CRYGB: variants seen among roughly 807,000 people sequenced by gnomAD.
CRYGB encodes the protein crystallin gamma B.
Under a neutral mutation model 21.3 loss-of-function variants are expected in CRYGB, and 19 were observed. The observed-to-expected ratio is 0.89, with a 90% CI of 0.62 to 1.31. The LOEUF (loss-of-function observed/expected upper bound fraction) is 1.31. Ranked by LOEUF, CRYGB falls within the 50% of genes most tolerant of loss-of-function variation. CRYGB has a pLI of 0.00. For missense variants in CRYGB, 254 were observed against 228.4 expected, an observed-to-expected ratio of 1.11 and a Z score of -0.72; for synonymous variants, 81 against 81.2, an observed-to-expected ratio of 1.00 and a Z score of 0.01.
chr2:208,146,065 G>C, intron 1 of CRYGB, 47 bp downstream of exon 1: 3 of 1,614,198 alleles, frequency 1.9e-6, no homozygotes, highest in Admixed American at 1.7e-5. Flanking sequence ...CCCCACTGAG[G>C]CCACTGCATT....
chr2:208,145,560 A>G (rs1048011744), intron 2 of CRYGB, among the ~76,000 whole-genome samples: 1 of 151,300 alleles, frequency 6.6e-6, no homozygotes, highest in Non-Finnish European at 1.5e-5. Flanking sequence ...ATGGTGGTGC[A>G]TGCCTGTAAT....
At chr2:208,144,022 G>GTTTTTTTT (rs4021949) in intron 2 of CRYGB, among the ~76,000 whole-genome samples, 1 of 134,056 alleles carries the variant, frequency 7.5e-6, no homozygotes, top group Non-Finnish European at 1.6e-5. Flanking sequence ...TTCTTTCTGG[G>GTTTTTTTT]TTTTTTTTTT....
Position 208,142,588 on chromosome 2 carries a change from C to A in CRYGB, c.*50G>T. ...GCTCTACTAGTGCCAGAAACACAAGCTAAATATTTTATTAGATTTTAAAGG... is the reference window on the plus strand; with the variant it reads ...GCTCTACTAGTGCCAGAAACACAAGATAAATATTTTATTAGATTTTAAAGG... On this transcript the variant is annotated 3_prime_UTR_variant, in exon 3 of 3. Coordinates refer to ENST00000260988, the MANE Select transcript of CRYGB (RefSeq NM_005210.4). The A allele has an allele frequency of 6.9e-7, 1 of 1,451,774 alleles. No individual in the cohort carries two copies. Among genetic ancestry groups the A allele is most frequent in the Non-Finnish European group, 9.1e-7 (1 of 1,100,288 alleles). 89.9% of individuals were successfully genotyped at this position (1,451,774 alleles called of 1,614,324 possible).
chr2:208,143,031 C>T, intron 2 of CRYGB, 118 bp from the exon 3 acceptor site: 1 of 1,148,360 alleles, frequency 8.7e-7, no homozygotes, highest in Non-Finnish European at 1.2e-6. Flanking sequence ...GCCAAGTTTG[C>T]TTCTAGAACA....
chr2:208,143,000 C>T (rs1240745030), intron 2 of CRYGB, 87 bp from the exon 3 acceptor site: 18 of 1,436,150 alleles, frequency 1.3e-5, no homozygotes, highest in Non-Finnish European at 1.6e-5. Context: ...CCTGGCCACA[C>T]CTGCCCAGAA....
At chr2:208,143,634 C>T (rs1230989693) in intron 2 of CRYGB, among the ~76,000 whole-genome samples, 4 of 151,312 alleles carry the variant, frequency 2.6e-5, no homozygotes, top group African/African-American at 4.9e-5. Flanking sequence ...TCCCGGGTAG[C>T]GGGATTACAG....
chr2:208,145,776 G>A lies in CRYGB; in HGVS notation c.250C>T (p.Pro84Ser), dbSNP rs1410512747. 2 of 1,612,302 alleles carry A rather than the reference G, an allele frequency of 1.2e-6. No homozygotes were observed. Among genetic ancestry groups the A allele is most frequent in the Admixed American group, 3.3e-5 (2 of 59,972 alleles). Residue 84 changes from proline (P) to serine (S), a missense_variant and splice_region_variant, in exon 2 of 3, where the codon CCG becomes TCG. Coordinates refer to ENST00000260988, the MANE Select transcript of CRYGB (RefSeq NM_005210.4). ...GGCAAAGACAGAGCCACACTCACCG[G>A]GGGGATGAGGCAGCAGGAGCGGATG... ...DSIRSCCLIP[P>S]HSGAYRMKIY...
intron 2 of CRYGB, 69 bp from the exon 3 acceptor site, chr2:208,142,982 T>TA (rs1695383601): frequency 6.7e-7 from 1 of 1,500,170 alleles, no homozygotes; most frequent in East Asian, 2.3e-5. Flanking sequence ...CTCCAGTCCC[T>TA]ACACCTCCCT....
At chr2:208,143,161 C>T (rs1043283341) in intron 2 of CRYGB, among the ~76,000 whole-genome samples, 2 of 152,196 alleles carry the variant, frequency 1.3e-5, no homozygotes, top group Non-Finnish European at 2.9e-5. Context: ...AATATCACAT[C>T]ACTTTAGTGC....
chr2:208,145,627 T>A, intron 2 of CRYGB, 147 bp downstream of exon 2: 1 of 1,404,944 alleles, frequency 7.1e-7, no homozygotes, highest in South Asian at 1.6e-5. Context: ...AGGCGGAAGT[T>A]GCAGTGAGCC....
intron 2 of CRYGB, among the ~76,000 whole-genome samples, chr2:208,145,316 C>G (rs1445722871): frequency 6.6e-6 from 1 of 151,722 alleles, no homozygotes; most frequent in Non-Finnish European, 1.5e-5. Context: ...GATCTCGGCT[C>G]ACTGCAACCT....
chr2:208,144,094 C>G (rs113790683), intron 2 of CRYGB, among the ~76,000 whole-genome samples: 2,922 of 149,296 alleles, frequency 0.02, 82 homozygotes, highest in African/African-American at 0.067. Flanking sequence ...GATCTCGGCT[C>G]ACCACAACCT....
At chr2:208,145,566 G>A (rs1471053680) in intron 2 of CRYGB, among the ~76,000 whole-genome samples, 1 of 151,166 alleles carries the variant, frequency 6.6e-6, no homozygotes, top group Non-Finnish European at 1.5e-5. Context: ...GTGCATGCCT[G>A]TAATCCCAAC....
intron 2 of CRYGB, among the ~76,000 whole-genome samples, chr2:208,143,590 C>T (rs1304510153): frequency 2.1e-5 from 3 of 140,348 alleles, no homozygotes; most frequent in African/African-American, 7.7e-5. Context: ...GCAACCTCCA[C>T]CTTCTGGGTT....
At chr2:208,144,841 A>G (rs988870420) in intron 2 of CRYGB, among the ~76,000 whole-genome samples, 17 of 151,940 alleles carry the variant, frequency 1.1e-4, no homozygotes, top group Non-Finnish European at 2.4e-4. Flanking sequence ...TCGGCCTCCC[A>G]AAGTGCTGGG....
rs778414651 is a variant in CRYGB at position 208,146,094 on chromosome 2, C to T, written c.9+18G>A. The T allele has an allele frequency of 1.9e-6, 3 of 1,614,078 alleles. No individual in the cohort carries two copies. The highest frequency in any genetic ancestry group is 1.7e-5 in the Admixed American group (1 of 60,006). ...CTGCATTAGGGCCAAGGCTGAGCAT[C>T]CGGTACCCAGGACTTACCTTTCCCA... is the stretch of plus-strand genomic sequence containing the variant. On this transcript the variant is annotated intron_variant, in intron 1 of 2. Transcript: ENST00000260988.
chr2:208,142,742 C>G lies in CRYGB; in HGVS notation c.424G>C (p.Gly142Arg), dbSNP rs745801663. ...CCCGGCCTCAGCAGATACTGCCTCC[C>G]CCTGTAGTTGGGCATCTCATAGAGG... The part of the protein sequence containing the change: ...WILYEMPNYR[G>R]RQYLLRPGEY... Residue 142 changes from glycine to arginine, a missense_variant, in exon 3 of 3, where the codon GGG becomes CGG. Gly to Arg is a moderately radical substitution (Grantham distance 125). Coordinates refer to ENST00000260988, the MANE Select transcript of CRYGB (RefSeq NM_005210.4). 2.4e-5 allele frequency: 39 copies of G among 1,614,130 alleles called. No homozygotes were observed. The South Asian group carries it at 4.3e-4, about 18-fold the overall frequency.
In CRYGB at chr2:208,144,167, C is replaced by T. The variant is rs542711036; in HGVS notation, c.253-1254G>A. On this transcript the variant is annotated intron_variant, in intron 2 of 2. Transcript: ENST00000260988. ...TCCCAAGTAGCTGGGATTACAGGCA[C>T]GCGCCACCACGCCCAGCTAATTTTG... is the stretch of plus-strand genomic sequence containing the variant. Among the ~76,000 whole-genome samples the T allele has an allele frequency of 9.9e-4, 150 of 151,346 alleles. 2 individuals are homozygous for T. Among genetic ancestry groups the T allele is most frequent in the Middle Eastern group, 3.4e-3 (1 of 290 alleles).
At position 208,142,750 on chromosome 2, in the gene CRYGB, T is replaced by TACTGCCTA; in HGVS notation, c.415_416insTAGGCAGT (p.Asn139IlefsTer12). 1 of 1,614,110 alleles carries TACTGCCTA rather than the reference T, an allele frequency of 6.2e-7. No individual in the cohort carries two copies. Among genetic ancestry groups the TACTGCCTA allele is most frequent in the Non-Finnish European group, 8.5e-7 (1 of 1,180,008 alleles). On this transcript the variant is annotated frameshift_variant, in exon 3 of 3. Coordinates refer to ENST00000260988, the MANE Select transcript of CRYGB (RefSeq NM_005210.4). LOFTEE classifies it high-confidence loss of function. ...CAGCAGATACTGCCTCCCCCTGTAGTTGGGCATCTCATAGAGGATCCAGCT... is the reference window on the plus strand; with the variant it reads ...CAGCAGATACTGCCTCCCCCTGTAGTACTGCCTATGGGCATCTCATAGAGGATCCAGCT...
Sources: allele counts gnomAD v4.1 joint callset (sites outside exome capture counted in the v4.1 genomes callset), GRCh38; gene constraint gnomAD v4.1.1; transcripts MANE v1.5; gene names NCBI Gene and HGNC (gene_info 2026-07-23, HGNC 2026-07-21).